Variants in ZNF438 observed in about 807,000 individuals in gnomAD.
The protein encoded by ZNF438 is zinc finger protein 438.
ZNF438 carries 25 observed loss-of-function variants against 38.0 expected under a neutral mutation model. The observed-to-expected ratio is 0.66, with a 90% CI of 0.48 to 0.92. The LOEUF (loss-of-function observed/expected upper bound fraction) is 0.92, where lower values mean the gene tolerates loss of function less well. Among genes scored for constraint, ZNF438 ranks in the 40% least tolerant of loss-of-function variants. The pLI is 0.00. For missense variants in ZNF438, 1,007 were observed against 999.6 expected, an observed-to-expected ratio of 1.01 and a Z score of -0.10; for synonymous variants, 372 against 364.1, an observed-to-expected ratio of 1.02 and a Z score of -0.25.
chr10:31,005,745 C>T (rs1043617096), intron 1 of ZNF438, among the ~76,000 whole-genome samples: 14 of 152,112 alleles, frequency 9.2e-5, no homozygotes, highest in Admixed American at 5.2e-4. Flanking sequence ...ACATCATATA[C>T]GTTAAATATA....
intron 3 of ZNF438, among the ~76,000 whole-genome samples, chr10:30,886,666 G>C (rs1029812621): frequency 1.3e-5 from 2 of 152,178 alleles, no homozygotes; most frequent in Non-Finnish European, 2.9e-5. Context: ...TGTGCTAAAA[G>C]TGATAAACAG....
chr10:30,892,013 T>C (rs944761431), intron 3 of ZNF438, among the ~76,000 whole-genome samples: 6 of 152,170 alleles, frequency 3.9e-5, no homozygotes, highest in Non-Finnish European at 5.9e-5. Flanking sequence ...ATAAAAACCA[T>C]AAAATAAAGA....
At chr10:31,023,329 G>GA (rs756155420) in intron 1 of ZNF438, among the ~76,000 whole-genome samples, 2 of 151,468 alleles carry the variant, frequency 1.3e-5, no homozygotes, top group African/African-American at 2.4e-5. Context: ...TCCCAAAAGA[G>GA]AAAAAAAATA....
chr10:30,859,921 TG>T (rs2133111699), intron 4 of ZNF438, among the ~76,000 whole-genome samples: 1 of 152,284 alleles, frequency 6.6e-6, no homozygotes, highest in South Asian at 2.1e-4. Context: ...GGCTATTACT[TG>T]TGCTGGCCTC....
At chr10:31,029,433 T>C (rs895048486) in intron 1 of ZNF438, among the ~76,000 whole-genome samples, 3 of 152,210 alleles carry the variant, frequency 2.0e-5, no homozygotes, top group African/African-American at 7.2e-5. Context: ...ACTATACTTC[T>C]AGTTGTTCCA....
chr10:30,894,441 T>C (rs2041079388), intron 3 of ZNF438, among the ~76,000 whole-genome samples: 1 of 152,152 alleles, frequency 6.6e-6, no homozygotes, highest in Non-Finnish European at 1.5e-5. Context: ...AGTATTAATG[T>C]GTGTGTCCTC....
intron 2 of ZNF438, among the ~76,000 whole-genome samples, chr10:30,922,561 C>T (rs1322459626): frequency 1.3e-5 from 2 of 152,108 alleles, no homozygotes; most frequent in Non-Finnish European, 2.9e-5. Flanking sequence ...CAGCCAGAAG[C>T]GGTGGCTCAC....
chr10:30,962,379 G>A (rs918821865), intron 1 of ZNF438, among the ~76,000 whole-genome samples: 1 of 147,078 alleles, frequency 6.8e-6, no homozygotes, highest in Non-Finnish European at 1.5e-5. Context: ...TCTAAATAAC[G>A]TGCATGTGTG....
intron 4 of ZNF438, among the ~76,000 whole-genome samples, chr10:30,860,956 T>C (rs978729879): frequency 6.6e-6 from 1 of 152,164 alleles, no homozygotes; most frequent in African/African-American, 2.4e-5. Context: ...TTGCAGACTT[T>C]AGTATTTTGC....
intron 1 of ZNF438, among the ~76,000 whole-genome samples, chr10:30,987,585 G>A (rs920459503): frequency 9.2e-5 from 14 of 152,272 alleles, no homozygotes; most frequent in African/African-American, 3.4e-4. Flanking sequence ...GGTATTCAGA[G>A]GTAGTGCCTT....
At chr10:30,968,990 G>C (rs75818485) in intron 1 of ZNF438, among the ~76,000 whole-genome samples, 12,063 of 152,168 alleles carry the variant, frequency 0.079, 573 homozygotes, top group Non-Finnish European at 0.11. Flanking sequence ...AGATGGTGAG[G>C]GCATGGGTTA....
chr10:30,844,854 C>T lies in ZNF438; in HGVS notation c.*107G>A, dbSNP rs878920352. ...CAAAAATCATTTCTGTTCACTCACA[C>T]CAATCCTGTTGTTTGATCTTTGTGA... On this transcript the variant is annotated 3_prime_UTR_variant, in exon 6 of 6. Coordinates refer to ENST00000413025, the Ensembl canonical transcript of ZNF438. 10 of 1,363,836 alleles carry T rather than the reference C, an allele frequency of 7.3e-6. No homozygotes were observed. In the South Asian group the frequency reaches 1.3e-4, roughly 17 times the overall value. 84.5% of individuals were successfully genotyped at this position (1,363,836 alleles called of 1,614,324 possible).
chr10:30,986,901 A>T (rs2052867642), intron 1 of ZNF438, among the ~76,000 whole-genome samples: 2 of 152,208 alleles, frequency 1.3e-5, no homozygotes, highest in Admixed American at 1.3e-4. Flanking sequence ...ATTTGTTTTT[A>T]CAGTGATAAC....
chr10:30,957,652 A>T (rs1428531810), intron 1 of ZNF438, among the ~76,000 whole-genome samples: 1 of 152,204 alleles, frequency 6.6e-6, no homozygotes, highest in Non-Finnish European at 1.5e-5. Flanking sequence ...TTCATCAATC[A>T]GCTGGCTGTA....
chr10:30,947,252 C>A (rs375162058), intron 1 of ZNF438, among the ~76,000 whole-genome samples: 5 of 152,204 alleles, frequency 3.3e-5, no homozygotes, highest in African/African-American at 9.6e-5. Context: ...AAAAGAATAA[C>A]CATCAGCTGA....
exon 5 of ZNF438, chr10:30,850,132 T>C (rs750042413): frequency 1.1e-5 from 18 of 1,613,934 alleles, no homozygotes; most frequent in Non-Finnish European, 1.5e-5. Context: ...CAAGAGAAAA[T>C]GTCCCCTCCT....
chr10:30,989,059 G>A (rs3006582), intron 1 of ZNF438, among the ~76,000 whole-genome samples: 1 of 152,158 alleles, frequency 6.6e-6, no homozygotes, highest in Non-Finnish European at 1.5e-5. Flanking sequence ...CATCAAGATG[G>A]TAACATAGAA....
chr10:30,946,965 G>A (rs568919479), intron 1 of ZNF438, among the ~76,000 whole-genome samples: 4 of 152,172 alleles, frequency 2.6e-5, no homozygotes, highest in Admixed American at 1.3e-4. Context: ...ATTATACCAC[G>A]TCACATACAA....
At chr10:30,863,897 C>T (rs770677016) in intron 4 of ZNF438, among the ~76,000 whole-genome samples, 3 of 152,310 alleles carry the variant, frequency 2.0e-5, no homozygotes, top group Admixed American at 6.5e-5. Flanking sequence ...CCATTGTGAA[C>T]GCTGGACAGT....
Sources: gnomAD v4.1 joint callset for allele counts (sites outside exome capture counted in the v4.1 genomes callset) on GRCh38, gnomAD v4.1.1 for gene constraint, MANE v1.5 for transcripts, NCBI Gene and HGNC (gene_info 2026-07-23, HGNC 2026-07-21) for gene names.